KPNB1: variants seen among roughly 807,000 people sequenced by gnomAD.
KPNB1 encodes karyopherin subunit beta 1, also known as importin subunit beta-1.
In KPNB1, 7 loss-of-function variants were observed where a neutral mutation model predicts 113.0. That is an observed-to-expected ratio of 0.06 (90% confidence interval 0.04 to 0.12). The LOEUF is 0.12. KPNB1 is among the 10% of genes least tolerant of loss of function. The pLI is 1.00. For synonymous variants in KPNB1, 363 were observed against 378.6 expected, an observed-to-expected ratio of 0.96 and a Z score of 0.48; for missense variants, 400 against 1,054.8, an observed-to-expected ratio of 0.38 and a Z score of 8.60.
chr17:47,672,164 C>G (rs1042480241), intron 12 of KPNB1, among the ~76,000 whole-genome samples: 1 of 151,892 alleles, frequency 6.6e-6, no homozygotes, highest in Admixed American at 6.6e-5. Context: ...CACCAACATG[C>G]CTGGCTAATT....
chr17:47,653,271 A>ATTTT (rs3067142), intron 3 of KPNB1, among the ~76,000 whole-genome samples: 4,436 of 109,736 alleles, frequency 0.04, 157 homozygotes, highest in Middle Eastern at 0.16. Flanking sequence ...AGCTCAGGGA[A>ATTTT]TTTTTTTTTT....
chr17:47,673,267 T>A, intron 13 of KPNB1, 102 bp downstream of exon 13: 2 of 1,179,560 alleles, frequency 1.7e-6, no homozygotes, highest in Non-Finnish European at 2.4e-6. Flanking sequence ...TGTTTAAGTA[T>A]ATATTTTCTC....
intron 2 of KPNB1, among the ~76,000 whole-genome samples, chr17:47,651,530 A>G (rs1049506580): frequency 6.6e-6 from 1 of 152,192 alleles, no homozygotes; most frequent in Non-Finnish European, 1.5e-5. Flanking sequence ...AATTTTTACA[A>G]CTAACCTGTT....
At chr17:47,664,132 G>A (rs779210175) in intron 7 of KPNB1, 27 bp from the exon 8 acceptor site, 3 of 1,468,898 alleles carry the variant, frequency 2.0e-6, no homozygotes, top group Non-Finnish European at 2.9e-6. Flanking sequence ...GTACTTATTT[G>A]GGGCCTGGGG....
At chr17:47,668,046 G>A (rs1362671497) in intron 9 of KPNB1, 140 bp from the exon 10 acceptor site, 2 of 641,828 alleles carry the variant, frequency 3.1e-6, no homozygotes, top group Non-Finnish European at 5.3e-6. Context: ...AATGTTTGTG[G>A]AAGAGACAAA....
rs2030844457 is a variant in KPNB1 at position 47,683,167 on chromosome 17, T to G, written c.*763T>G. The G allele has an allele frequency of 6.7e-6, 1 of 149,102 alleles. No individual in the cohort carries two copies. The highest frequency in any genetic ancestry group is 1.5e-5 in the Non-Finnish European group (1 of 67,288). 9.2% of individuals were successfully genotyped at this position (149,102 alleles called of 1,614,324 possible). A position where few individuals can be genotyped will look rare whatever the true frequency, so the allele number is the denominator to read the frequency against. On this transcript the variant is annotated 3_prime_UTR_variant, in exon 22 of 22. Coordinates refer to ENST00000290158, the MANE Select transcript of KPNB1 (RefSeq NM_002265.6). ...TCTTTAGGTTTTGTTTTGTTTTTTT[T>G]TTTTGGTTTTGTTTTTTGTTTTTTT...
chr17:47,667,915 T>C lies in KPNB1; in HGVS notation c.1000-271T>C, dbSNP rs143580340. 2.2e-4 allele frequency among the ~76,000 whole-genome samples: 33 copies of C among 152,314 alleles called. No homozygotes were observed. The South Asian group carries it at 2.7e-3, about 12-fold the overall frequency. On this transcript the variant is annotated intron_variant, in intron 9 of 21. Transcript: ENST00000290158. ...GCATACATTCTAGTTCTGTATTTTG[T>C]TCTAAATGTTTGGAATTCATTCTTT...
chr17:47,672,203 G>A (rs919504168), intron 12 of KPNB1, among the ~76,000 whole-genome samples: 13 of 151,646 alleles, frequency 8.6e-5, no homozygotes, highest in Non-Finnish European at 1.2e-4. Flanking sequence ...ATGGGGTTTC[G>A]CCATGTTGGC....
At position 47,684,380 on chromosome 17, in the gene KPNB1, A is replaced by G. The variant is rs2030882016; in HGVS notation, c.*1976A>G. On this transcript the variant is annotated 3_prime_UTR_variant, in exon 22 of 22. Transcript: ENST00000290158. Reference sequence around the variant, plus strand: ...AAAAAAATCCAGGTATTTGAAGGAGAGACGCTCCATTGTGAATAAAGAGCT... The same window carrying G: ...AAAAAAATCCAGGTATTTGAAGGAGGGACGCTCCATTGTGAATAAAGAGCT... The G allele has an allele frequency of 6.6e-6, 1 of 151,774 alleles. No homozygotes were observed. Among genetic ancestry groups the G allele is most frequent in the South Asian group, 2.1e-4 (1 of 4,810 alleles). The allele number at this position is 151,774 out of a possible 1,614,324, so 9.4% of individuals were successfully genotyped here.
intron 15 of KPNB1, among the ~76,000 whole-genome samples, chr17:47,675,371 TG>T (rs757856147): frequency 0.11 from 13,185 of 119,412 alleles, 3,006 homozygotes; most frequent in African/African-American, 0.18. Context: ...GTTTTTTTTT[TG>T]TTTTTTTTTT....
In KPNB1 at chr17:47,677,156, C is replaced by T. The variant is rs1389872863; in HGVS notation, c.2103+29C>T. 7.5e-6 allele frequency: 11 copies of T among 1,470,722 alleles called. No homozygotes were observed. In the East Asian group the frequency reaches 2.0e-4, roughly 27 times the overall value. 91.1% of individuals were successfully genotyped at this position (1,470,722 alleles called of 1,614,324 possible). On this transcript the variant is annotated intron_variant, in intron 17 of 21. Coordinates refer to ENST00000290158, the MANE Select transcript of KPNB1 (RefSeq NM_002265.6). ...AGTATCTACACACAATCTAATTAAC[C>T]AGTCTTCTTTGAAGAAAACAACAGT...
At position 47,656,982 on chromosome 17, in the gene KPNB1, C is replaced by T; in HGVS notation, c.405C>T (p.Ala135=). 1 of 1,614,064 alleles carries T rather than the reference C, an allele frequency of 6.2e-7. No individual in the cohort carries two copies. Among genetic ancestry groups the T allele is most frequent in the African/African-American group, 1.3e-5 (1 of 74,990 alleles). The part of the protein sequence containing the change: ...QWPELIPQLV[A]NVTNPNSTEH... ...CAGAACTCATTCCTCAGCTGGTGGC[C>T]AATGTCACAAACCCCAACAGCACAG... Residue 135 remains alanine (A), a synonymous_variant, in exon 4 of 22, where the codon GCC becomes GCT. Transcript: ENST00000290158.
chr17:47,650,127 G>GGC lies in KPNB1; in HGVS notation c.-118_-117insGC. On this transcript the variant is annotated 5_prime_UTR_variant, in exon 1 of 22. Transcript: ENST00000290158. ...GGTGAATGGGTTTGTGGTGACCCCC[G>GGC]CCCCCCACCCCACCCTCCCTTCCCA... is the stretch of plus-strand genomic sequence containing the variant. The GGC allele has an allele frequency of 2.9e-6, 2 of 686,050 alleles. No individual in the cohort carries two copies. The highest frequency in any genetic ancestry group is 4.3e-5 in the South Asian group (1 of 23,506). The allele number at this position is 686,050 out of a possible 1,614,324, so 42.5% of individuals were successfully genotyped here. A position where few individuals can be genotyped will look rare whatever the true frequency, so the allele number is the denominator to read the frequency against.
rs890672754 is a variant in KPNB1, at chr17:47,649,938, C to G, written c.-307C>G. On this transcript the variant is annotated 5_prime_UTR_variant, in exon 1 of 22. Transcript: ENST00000290158. ...CTCGCTCCCTCCCTGCGCGCCGCCT[C>G]TCACTCACAGCCTCCCTTCCTTCTT... 2.3e-6 allele frequency: 3 copies of G among 1,293,210 alleles called. No homozygotes were observed. The highest frequency in any genetic ancestry group is 2.9e-6 in the Non-Finnish European group (3 of 1,022,660). The allele number at this position is 1,293,210 out of a possible 1,614,324, so 80.1% of individuals were successfully genotyped here. A position where few individuals can be genotyped will look rare whatever the true frequency, so the allele number is the denominator to read the frequency against.
At chr17:47,667,951 T>G (rs2143140114) in intron 9 of KPNB1, among the ~76,000 whole-genome samples, 1 of 152,366 alleles carries the variant, frequency 6.6e-6, no homozygotes, top group East Asian at 1.9e-4. Flanking sequence ...TTGGATGTAG[T>G]TGAAATTTTT....
At chr17:47,652,609 C>T (rs1461278860) in intron 2 of KPNB1, 85 bp from the exon 3 acceptor site, 48 of 1,112,840 alleles carry the variant, frequency 4.3e-5, no homozygotes, top group Non-Finnish European at 5.9e-5. Context: ...CGCCGCCCCT[C>T]TGGTGGTTCA....
chr17:47,666,901 G>A (rs903055776), intron 9 of KPNB1, among the ~76,000 whole-genome samples: 2 of 152,060 alleles, frequency 1.3e-5, no homozygotes, highest in African/African-American at 4.8e-5. Flanking sequence ...ACAGGCATGA[G>A]CCACTGCACC....
chr17:47,681,265 CTTTTTTT>C (rs535906429), intron 21 of KPNB1, among the ~76,000 whole-genome samples: 2 of 122,696 alleles, frequency 1.6e-5, no homozygotes, highest in African/African-American at 3.0e-5. Flanking sequence ...TTTTCTTCTT[CTTTTTTT>C]TTTTTTTTTT....
At chr17:47,661,495 GGGA>G (rs1446487502) in intron 6 of KPNB1, among the ~76,000 whole-genome samples, 5 of 151,860 alleles carry the variant, frequency 3.3e-5, no homozygotes, top group Non-Finnish European at 5.9e-5. Context: ...CCAGCTGCTG[GGGA>G]GGCTGAGGTA....
Sources: gnomAD v4.1 joint callset for allele counts (sites outside exome capture counted in the v4.1 genomes callset) on GRCh38, gnomAD v4.1.1 for gene constraint, MANE v1.5 for transcripts, NCBI Gene and HGNC (gene_info 2026-07-23, HGNC 2026-07-21) for gene names.